ME3: variants seen among roughly 807,000 people sequenced by gnomAD.
The protein encoded by ME3 is malic enzyme 3, also known as NADP-dependent malic enzyme, mitochondrial.
Under a neutral mutation model 68.9 loss-of-function variants are expected in ME3, and 48 were observed. The observed-to-expected ratio is 0.70, with a 90% CI of 0.55 to 0.89. The LOEUF is 0.89. Ranked by LOEUF, ME3 falls within the 40% of genes least tolerant of loss-of-function variation. ME3 has a pLI of 0.00. For missense variants in ME3, 675 were observed against 797.4 expected, an observed-to-expected ratio of 0.85 and a Z score of 1.85; for synonymous variants, 320 against 318.8, an observed-to-expected ratio of 1.00 and a Z score of -0.04.
chr11:86,503,377 C>G (rs995280255), intron 5 of ME3, among the ~76,000 whole-genome samples: 1 of 152,232 alleles, frequency 6.6e-6, no homozygotes, highest in Non-Finnish European at 1.5e-5. Context: ...CTGAAAAGAG[C>G]CACCTTGCCC....
intron 8 of ME3, chr11:86,457,312 G>C (rs1565803801): frequency 5.8e-6 from 1 of 171,772 alleles, no homozygotes. Flanking sequence ...ACTGCATCTA[G>C]TTCCTTCCTC....
intron 4 of ME3, among the ~76,000 whole-genome samples, chr11:86,532,623 T>G (rs924572887): frequency 6.6e-6 from 1 of 152,148 alleles, no homozygotes; most frequent in African/African-American, 2.4e-5. Flanking sequence ...GAACAACCCT[T>G]AGGTCAAAGA....
chr11:86,557,261 A>C (rs559867507), intron 3 of ME3, among the ~76,000 whole-genome samples: 86 of 152,288 alleles, frequency 5.6e-4, no homozygotes, highest in Non-Finnish European at 6.9e-4. Flanking sequence ...GATTTCCAAA[A>C]ATAATCTCTC....
Position 86,448,264 on chromosome 11 carries a change from A to G in ME3, c.1132-9T>C. 3 of 1,604,134 alleles carry G rather than the reference A, an allele frequency of 1.9e-6. No individual in the cohort carries two copies. The highest frequency in any genetic ancestry group is 1.1e-5 in the South Asian group (1 of 90,862). ...TTCAGGTGGCTCCTCCCCTACAGGA[A>G]AAGGAACACAGAGCAGTTGTGGTCG... On this transcript the variant is annotated splice_polypyrimidine_tract_variant and intron_variant, in intron 10 of 14. Transcript: ENST00000543262.
intron 4 of ME3, among the ~76,000 whole-genome samples, chr11:86,540,533 A>T (rs146031205): frequency 8.5e-4 from 129 of 152,262 alleles, no homozygotes; most frequent in African/African-American, 3.0e-3. Flanking sequence ...TATGAAACAA[A>T]ACCAGTCATT....
At chr11:86,444,564 A>G (rs1179043607) in intron 13 of ME3, among the ~76,000 whole-genome samples, 1 of 152,236 alleles carries the variant, frequency 6.6e-6, no homozygotes, top group Admixed American at 6.5e-5. Context: ...GAGAAGAGAT[A>G]TATCATGGTA....
intron 4 of ME3, among the ~76,000 whole-genome samples, chr11:86,517,915 T>C (rs1445791639): frequency 6.6e-6 from 1 of 152,174 alleles, no homozygotes; most frequent in East Asian, 1.9e-4. Context: ...ATTTTGACAG[T>C]TGTAAACTAG....
At chr11:86,518,374 A>ACTTG (rs1319899497) in intron 4 of ME3, among the ~76,000 whole-genome samples, 5 of 150,020 alleles carry the variant, frequency 3.3e-5, no homozygotes, top group Non-Finnish European at 5.9e-5. Flanking sequence ...CGACTTGAAT[A>ACTTG]AACATACTTA....
chr11:86,464,014 C>T (rs987807339), intron 8 of ME3: 39 of 381,404 alleles, frequency 1.0e-4, no homozygotes, highest in African/African-American at 7.6e-4. Context: ...ATACAATAAG[C>T]GTTCAGCGAT....
chr11:86,533,211 TAAGAG>T (rs1400053582), intron 4 of ME3, among the ~76,000 whole-genome samples: 1 of 151,608 alleles, frequency 6.6e-6, no homozygotes, highest in African/African-American at 2.4e-5. Context: ...TCAACAAAAC[TAAGAG>T]TTGGGTTTTT....
chr11:86,515,011 A>G (rs1158356502), intron 4 of ME3, among the ~76,000 whole-genome samples: 1 of 152,246 alleles, frequency 6.6e-6, no homozygotes, highest in Non-Finnish European at 1.5e-5. Context: ...TTTAGTATGC[A>G]TGTTTGTCAG....
At chr11:86,567,208 ACT>A (rs999547327) in intron 2 of ME3, among the ~76,000 whole-genome samples, 1 of 146,100 alleles carries the variant, frequency 6.8e-6, no homozygotes, top group Non-Finnish European at 1.5e-5. Context: ...CAAGAGTGAA[ACT>A]CTGTCAGAAA....
chr11:86,459,511 A>G (rs1019743045), intron 8 of ME3, among the ~76,000 whole-genome samples: 1 of 152,226 alleles, frequency 6.6e-6, no homozygotes. Context: ...ATTCAGTGCC[A>G]TAAACGGGTG....
At chr11:86,576,296 A>G (rs144929975) in intron 2 of ME3, among the ~76,000 whole-genome samples, 1 of 152,266 alleles carries the variant, frequency 6.6e-6, no homozygotes, top group East Asian at 1.9e-4. Flanking sequence ...GGCCAAGAGA[A>G]GTTGCCACAC....
In ME3 at chr11:86,522,304, T is replaced by G. The variant is rs192824192; in HGVS notation, c.468-13437A>C. The stretch of plus-strand genomic sequence containing the variant: ...ACCAGATTAAGAAAAAAAGGCCAAT[T>G]AAAAAAATGGTAAAAAATAACACAA... On this transcript the variant is annotated intron_variant, in intron 4 of 14. Transcript: ENST00000543262. Among the ~76,000 whole-genome samples, 235 of 148,600 alleles carry G rather than the reference T, an allele frequency of 1.6e-3. 1 individual carries two copies. Among genetic ancestry groups the G allele is most frequent in the African/African-American group, 4.9e-3 (199 of 40,810 alleles).
intron 2 of ME3, among the ~76,000 whole-genome samples, chr11:86,601,179 G>A (rs1320238894): frequency 2.0e-5 from 3 of 151,068 alleles, no homozygotes; most frequent in African/African-American, 7.3e-5. Flanking sequence ...TTTTTTGAAA[G>A]GATCAACAAA....
At chr11:86,521,675 T>C (rs944362184) in intron 4 of ME3, among the ~76,000 whole-genome samples, 2 of 152,192 alleles carry the variant, frequency 1.3e-5, no homozygotes, top group Non-Finnish European at 2.9e-5. Context: ...TTAGTTTCCC[T>C]GTGTCTTGAC....
intron 4 of ME3, among the ~76,000 whole-genome samples, chr11:86,554,569 ATC>A: frequency 6.6e-6 from 1 of 152,192 alleles, no homozygotes; most frequent in Admixed American, 6.5e-5. Flanking sequence ...ACTGACATTT[ATC>A]TGGTTCCAAT....
At chr11:86,442,493 G>A (rs1949054167) in intron 14 of ME3, among the ~76,000 whole-genome samples, 1 of 152,158 alleles carries the variant, frequency 6.6e-6, no homozygotes. Context: ...TTTCCGTGAT[G>A]CTATGCAAGC....
Sources: gnomAD v4.1 joint callset for allele counts (sites outside exome capture counted in the v4.1 genomes callset) on GRCh38, gnomAD v4.1.1 for gene constraint, MANE v1.5 for transcripts, NCBI Gene and HGNC (gene_info 2026-07-23, HGNC 2026-07-21) for gene names.